Variants in CDH3 observed in about 807,000 individuals in gnomAD.
CDH3 encodes cadherin-3.
Under a neutral mutation model 82.0 loss-of-function variants are expected in CDH3, and 54 were observed. That is an observed-to-expected ratio of 0.66 (90% CI 0.53 to 0.83). CDH3 has a LOEUF of 0.83. Ranked by LOEUF, CDH3 falls within the 40% of genes least tolerant of loss-of-function variation. The pLI is 0.00. For synonymous variants in CDH3, 446 were observed against 437.9 expected (o/e 1.02, Z -0.23); for missense variants, 1,054 against 1,084.6 (o/e 0.97, Z 0.40).
chr16:68,660,709 A>T (rs912759715), intron 2 of CDH3, among the ~76,000 whole-genome samples: 1 of 152,216 alleles, frequency 6.6e-6, no homozygotes, highest in Admixed American at 6.5e-5. Context: ...CTGTAATCCC[A>T]GCACTCTGGG....
intron 11 of CDH3, 96 bp downstream of exon 11, chr16:68,685,446 T>C: frequency 7.4e-7 from 1 of 1,355,934 alleles, no homozygotes; most frequent in Non-Finnish European, 1.0e-6. Flanking sequence ...TGGGAACATG[T>C]GTCGAGGAGG....
chr16:68,728,996 A>G (rs1567467266), downstream of CDH3, among the ~76,000 whole-genome samples: 1 of 152,302 alleles, frequency 6.6e-6, no homozygotes, highest in East Asian at 1.9e-4. Flanking sequence ...CACCTCAAAG[A>G]TGCATTCAAC....
chr16:68,682,267 C>G (rs373543480), intron 8 of CDH3, 35 bp from the exon 9 acceptor site: 13 of 1,604,426 alleles, frequency 8.1e-6, no homozygotes, highest in African/African-American at 1.3e-5. Context: ...CAGTCATTCT[C>G]TGCTCTGATA....
intron 2 of CDH3, among the ~76,000 whole-genome samples, chr16:68,654,131 C>G (rs2152090864): frequency 6.7e-6 from 1 of 149,318 alleles, no homozygotes; most frequent in East Asian, 2.0e-4. Context: ...ACAATCTCGG[C>G]TCATTGTAAA....
chr16:68,661,046 T>C (rs1011377711), intron 2 of CDH3, among the ~76,000 whole-genome samples: 1 of 152,090 alleles, frequency 6.6e-6, no homozygotes, highest in Non-Finnish European at 1.5e-5. Flanking sequence ...TATGAATACA[T>C]GTGAAGTGTA....
At chr16:68,692,598 C>A (rs768326841) in intron 13 of CDH3, among the ~76,000 whole-genome samples, 1 of 152,122 alleles carries the variant, frequency 6.6e-6, no homozygotes, top group African/African-American at 2.4e-5. Context: ...GGAATAGAAC[C>A]CAGTAATCTG....
intron 15 of CDH3, chr16:68,696,789 T>C (rs1025942039): frequency 6.6e-6 from 1 of 152,500 alleles, no homozygotes; most frequent in African/African-American, 2.4e-5. Flanking sequence ...GAGGCACATA[T>C]GGCCTTGTAA....
At chr16:68,723,114 A>G (rs1456472444) in intron 2 of CDH3, among the ~76,000 whole-genome samples, 1 of 151,624 alleles carries the variant, frequency 6.6e-6, no homozygotes, top group East Asian at 1.9e-4. Context: ...TGTATCACAT[A>G]TATAAATTAT....
chr16:68,667,287 G>C (rs2152095356), intron 2 of CDH3, among the ~76,000 whole-genome samples: 1 of 152,314 alleles, frequency 6.6e-6, no homozygotes, highest in African/African-American at 2.4e-5. Context: ...TTGTGAGCTA[G>C]GTATGTCCCT....
At chr16:68,719,139 G>A (rs1381508829) in intron 1 of CDH3, among the ~76,000 whole-genome samples, 4 of 151,804 alleles carry the variant, frequency 2.6e-5, no homozygotes, top group East Asian at 3.9e-4. Flanking sequence ...CTACTTGGGA[G>A]GCTGAGACAG....
intron 2 of CDH3, among the ~76,000 whole-genome samples, chr16:68,647,479 G>A (rs138102742): frequency 6.6e-6 from 1 of 152,266 alleles, no homozygotes; most frequent in Non-Finnish European, 1.5e-5. Flanking sequence ...TAAACCTTTA[G>A]AGGAAATTCA....
rs555786896 is a variant in CDH3 at position 68,645,477 on chromosome 16, GCGGGGTCCGCATGGGGCAGTGGCGT to G, written c.45+59_45+83del. 150 of 1,590,828 alleles carry G rather than the reference GCGGGGTCCGCATGGGGCAGTGGCGT, an allele frequency of 9.4e-5. No individual in the cohort carries two copies. In the African/African-American group the frequency reaches 1.6e-3, roughly 17 times the overall value. On this transcript the variant is annotated intron_variant, in intron 1 of 15. Transcript: ENST00000264012. ...ACCGGGACCGCTCCCTGGGGGGCGG[GCGGGGTCCGCATGGGGCAGTGGCGT>G]CGGGGAGAGCGCGGGGCTGCGCTCC...
At chr16:68,728,445 C>T (rs575180474), downstream of CDH3, among the ~76,000 whole-genome samples, 17 of 152,208 alleles carry the variant, frequency 1.1e-4, no homozygotes, top group African/African-American at 3.9e-4. Context: ...GATTGACAGG[C>T]GTGAGCCACC....
chr16:68,687,376 C>G, intron 11 of CDH3, 136 bp from the exon 12 acceptor site: 1 of 682,386 alleles, frequency 1.5e-6, no homozygotes, highest in Admixed American at 2.1e-5. Context: ...GCTCAACTGG[C>G]ATGTATGTGC....
chr16:68,684,803 A>G lies in CDH3; in HGVS notation c.1403A>G (p.Asp468Gly). 1 of 1,614,198 alleles carries G rather than the reference A, an allele frequency of 6.2e-7. No homozygotes were observed. The highest frequency in any genetic ancestry group is 8.5e-7 in the Non-Finnish European group (1 of 1,180,038). Residue 468 changes from aspartate to glycine, a missense_variant, in exon 10 of 16, where the codon GAC (aspartate) becomes GGC (glycine). Coordinates refer to ENST00000264012, the MANE Select transcript of CDH3 (RefSeq NM_001793.6). ...TGTGTCTACACTGCAGAAGACCCTG[A>G]CAAGGAGAATCAAAAGATCAGGTAC... ...PVCVYTAEDP[D>G]KENQKISYRI...
downstream of CDH3, chr16:68,700,379 AG>A (rs1290555656): frequency 6.6e-6 from 1 of 152,276 alleles, no homozygotes; most frequent in Non-Finnish European, 1.5e-5. Context: ...CGGAACCTCT[AG>A]GCAGGGCCCT....
chr16:68,665,714 A>G (rs1960715081), intron 2 of CDH3, among the ~76,000 whole-genome samples: 1 of 152,016 alleles, frequency 6.6e-6, no homozygotes, highest in African/African-American at 2.4e-5. Context: ...CAGACAGCAC[A>G]CCTCATGCTG....
chr16:68,693,172 T>C (rs1961621036), intron 13 of CDH3, among the ~76,000 whole-genome samples: 1 of 152,194 alleles, frequency 6.6e-6, no homozygotes, highest in Non-Finnish European at 1.5e-5. Context: ...GGTACCATCA[T>C]GTCAGGCCTC....
At chr16:68,663,960 TC>T (rs1960670272) in intron 2 of CDH3, among the ~76,000 whole-genome samples, 2 of 98,102 alleles carry the variant, frequency 2.0e-5, no homozygotes, top group Admixed American at 1.2e-4. Flanking sequence ...AAGCTATCCC[TC>T]CCCCCTCCCC....
Sources: gnomAD v4.1 joint callset for allele counts (sites outside exome capture counted in the v4.1 genomes callset) on GRCh38, gnomAD v4.1.1 for gene constraint, MANE v1.5 for transcripts, NCBI Gene and HGNC (gene_info 2026-07-23, HGNC 2026-07-21) for gene names.